ESAM: variants seen among roughly 807,000 people sequenced by gnomAD.
ESAM encodes the protein endothelial cell-selective adhesion molecule.
In ESAM, 23 loss-of-function variants were observed where a neutral mutation model predicts 31.8. That is an observed-to-expected ratio of 0.72 (90% CI 0.52 to 1.03). ESAM has a LOEUF of 1.03. Among genes scored for constraint, ESAM ranks in the 50% least tolerant of loss-of-function variants. The pLI is 0.00. For synonymous variants in ESAM, 216 were observed against 207.2 expected (o/e 1.04, Z -0.37); for missense variants, 478 against 488.9 (o/e 0.98, Z 0.21).
chr11:124,761,800 A>G, intron 1 of ESAM, among the ~76,000 whole-genome samples: 1 of 150,858 alleles, frequency 6.6e-6, no homozygotes, highest in Non-Finnish European at 1.5e-5. Flanking sequence ...TGGGGAGTGG[A>G]CAGGGTGAGG....
In ESAM at chr11:124,753,762, C is replaced by T. The variant is rs200187524; in HGVS notation, c.1057G>A (p.Ala353Thr). ...PSPRLPTTDG[A>T]HPQPISPIPG... ...ATGGGGGATATTGGTTGAGGGTGGGCCCCATCTGTCGTGGGCAGTCTTGGT... is the reference window on the plus strand; with the variant it reads ...ATGGGGGATATTGGTTGAGGGTGGGTCCCATCTGTCGTGGGCAGTCTTGGT... Residue 353 changes from alanine (A) to threonine (T), a missense_variant, in exon 7 of 7, where the codon GCC becomes ACC. By Grantham distance (58) the Ala-to-Thr change is moderately conservative (BLOSUM62 0). Coordinates refer to ENST00000278927, the MANE Select transcript of ESAM (RefSeq NM_138961.3). 751 of 1,613,862 alleles carry T rather than the reference C, an allele frequency of 4.7e-4. 4 individuals are homozygous for T. The highest frequency in any genetic ancestry group is 3.1e-5 in the Non-Finnish European group (37 of 1,179,942).
chr11:124,762,164 T>A lies in ESAM; in HGVS notation c.-10A>T, dbSNP rs1450236020. The A allele has an allele frequency of 6.2e-7, 1 of 1,602,612 alleles. No homozygotes were observed. The highest frequency in any genetic ancestry group is 8.5e-7 in the Non-Finnish European group (1 of 1,174,592). On this transcript the variant is annotated 5_prime_UTR_variant, in exon 1 of 7. Transcript: ENST00000278927. This position sits in a 1 kb window ranked among gnomAD's most constrained non-coding sequence, Gnocchi z 6.4. ...CCGGGAGGGAAATCATGGCCCTCCC[T>A]GGCCGGGACGGAGTCAGGGGCGCCA...
intron 2 of ESAM, 82 bp downstream of exon 2, chr11:124,758,267 C>T (rs1944179931): frequency 6.5e-7 from 1 of 1,545,386 alleles, no homozygotes; most frequent in Non-Finnish European, 8.9e-7. Context: ...TCCCTCTCCA[C>T]CCCTCCCACC....
chr11:124,757,599 G>A (rs568404851), intron 2 of ESAM: 14 of 152,316 alleles, frequency 9.2e-5, no homozygotes, highest in African/African-American at 3.4e-4. Flanking sequence ...GTATACAGGG[G>A]GGCAAGGTGA....
intron 2 of ESAM, chr11:124,756,957 A>G (rs1293750808): frequency 8.7e-6 from 5 of 575,344 alleles, no homozygotes; most frequent in Admixed American, 6.0e-5. Context: ...GTTCCTGCGC[A>G]TTGTCTCATC....
In ESAM at chr11:124,755,848, A is replaced by G. The variant is rs901608350; in HGVS notation, c.607+359T>C. The stretch of plus-strand genomic sequence containing the variant: ...TCAGTTATCCCTAAAATTTTTTTTT[A>G]TAACTGGTGTGTTCAAGTCACACTA... On this transcript the variant is annotated intron_variant, in intron 4 of 6. Transcript: ENST00000278927. Among the ~76,000 whole-genome samples the G allele has an allele frequency of 2.8e-4, 43 of 152,196 alleles. 1 individual carries two copies. Among genetic ancestry groups the G allele is most frequent in the African/African-American group, 9.9e-4 (41 of 41,558 alleles).
At chr11:124,755,988 G>A (rs533953514) in intron 4 of ESAM, among the ~76,000 whole-genome samples, 2 of 152,350 alleles carry the variant, frequency 1.3e-5, no homozygotes, top group South Asian at 2.1e-4. Flanking sequence ...CACTCCAGCT[G>A]TAGAGCCTGT....
chr11:124,755,323 C>T (rs947544027), intron 4 of ESAM, among the ~76,000 whole-genome samples: 1 of 151,958 alleles, frequency 6.6e-6, no homozygotes, highest in African/African-American at 2.4e-5. Context: ...TACAGCACAC[C>T]AGCATGGCAC....
Position 124,753,688 on chromosome 11 carries a change from A to T in ESAM, c.1131T>A (p.Pro377=). 1.2e-6 allele frequency: 2 copies of T among 1,614,000 alleles called. No individual in the cohort carries two copies. The highest frequency in any genetic ancestry group is 1.7e-6 in the Non-Finnish European group (2 of 1,180,040). Residue 377 remains proline, a synonymous_variant, in exon 7 of 7, where the codon CCT becomes CCA. Coordinates refer to ENST00000278927, the MANE Select transcript of ESAM (RefSeq NM_138961.3). ...SSGLSRMGAV[P]VMVPAQSQAG... ...CTTGACTCTGGGCAGGCACCATCAC[A>T]GGCACAGCACCCATGCGGCTCAAGC...
Position 124,756,755 on chromosome 11 carries a change from A to G in ESAM, c.250-13T>C. On this transcript the variant is annotated splice_polypyrimidine_tract_variant and intron_variant, in intron 2 of 6. Coordinates refer to ENST00000278927, the MANE Select transcript of ESAM (RefSeq NM_138961.3). ...TGTAGGACAACACCTGGTGTGGGGC[A>G]TAACACATCCCCGTCATTACTACAT... 6.2e-7 allele frequency: 1 copy of G among 1,613,836 alleles called. No homozygotes were observed. Among genetic ancestry groups the G allele is most frequent in the Non-Finnish European group, 8.5e-7 (1 of 1,179,888 alleles).
Position 124,762,086 on chromosome 11 carries a change from G to A in ESAM, c.69C>T (p.Leu23=). Residue 23 remains leucine (L), a splice_region_variant and synonymous_variant, in exon 1 of 7, where the codon CTC becomes CTT. Transcript: ENST00000278927. The surrounding 1 kb of genome is among the most constrained non-coding windows in gnomAD (Gnocchi z 6.4). The part of the protein sequence containing the change: ...LRFLFLGLSA[L]APPSRAQLQL... ...CCTCCAGGTCCGGGTTTCACTCACC[G>A]AGGGCACTCAGCCCCAGGAACAAAA... 6.2e-7 allele frequency: 1 copy of A among 1,611,128 alleles called. No individual in the cohort carries two copies. Among genetic ancestry groups the A allele is most frequent in the Non-Finnish European group, 8.5e-7 (1 of 1,178,586 alleles).
At chr11:124,760,522 G>T (rs1944215893) in intron 1 of ESAM, among the ~76,000 whole-genome samples, 1 of 152,252 alleles carries the variant, frequency 6.6e-6, no homozygotes, top group Non-Finnish European at 1.5e-5. Context: ...AGCCGCCGAG[G>T]AGCCTACTGA....
At position 124,758,440 on chromosome 11, in the gene ESAM, C is replaced by T; in HGVS notation, c.158G>A (p.Trp53Ter). The change falls in exon 2 of 7, where the codon TGG becomes TAG. Residue 53 changes from tryptophan (W) to a stop codon, truncating the protein, a stop_gained. Transcript: ENST00000278927. LOFTEE classifies it high-confidence loss of function. ...VEGGEVVLPA[W>*]YTLHGEVSSS... is the part of the protein sequence containing the mutation. ...AGACACCTCCCCGTGCAAGGTGTAC[C>T]ACGCTGGAAGCACCACTTCCCCTCC... The T allele has an allele frequency of 6.2e-7, 1 of 1,614,016 alleles. No individual in the cohort carries two copies. The highest frequency in any genetic ancestry group is 8.5e-7 in the Non-Finnish European group (1 of 1,179,954).
chr11:124,760,710 G>T (rs1383383994), intron 1 of ESAM, among the ~76,000 whole-genome samples: 1 of 148,016 alleles, frequency 6.8e-6, no homozygotes, highest in Non-Finnish European at 1.5e-5. Flanking sequence ...CTCAAAGCTG[G>T]GGTAGGACAA....
chr11:124,757,006 G>A (rs992117339), intron 2 of ESAM: 5 of 499,420 alleles, frequency 1.0e-5, no homozygotes, highest in African/African-American at 9.6e-5. Flanking sequence ...ATAATAGTGG[G>A]AGGAGGGACA....
chr11:124,761,663 CG>C (rs1419154460), intron 1 of ESAM, among the ~76,000 whole-genome samples: 2 of 151,830 alleles, frequency 1.3e-5, no homozygotes, highest in East Asian at 3.9e-4. Flanking sequence ...GGTATTTCCC[CG>C]GGGGATCTTC....
chr11:124,756,697 A>T lies in ESAM; in HGVS notation c.295T>A (p.Ser99Thr). Residue 99 changes from serine (S) to threonine (T), a missense_variant, in exon 3 of 7, where the codon TCC becomes ACC. Coordinates refer to ENST00000278927, the MANE Select transcript of ESAM (RefSeq NM_138961.3). ...NGVTTSKPGV[S>T]LVYSMPSRNL... ...CGGGAGGGCATGGAGTAGACCAAGG[A>T]TACTCCAGGTTTGCTTGTTGTGACC... The T allele has an allele frequency of 5.0e-6, 8 of 1,614,122 alleles. No homozygotes were observed. The highest frequency in any genetic ancestry group is 6.8e-6 in the Non-Finnish European group (8 of 1,180,032).
In ESAM at chr11:124,756,371, G is replaced by C; in HGVS notation, c.452-9C>G. ...TGGAGGAGCTGGAGGAACTGGGCAG[G>C]GGGAGACAGATTAAAACCACACCCA... On this transcript the variant is annotated splice_polypyrimidine_tract_variant and intron_variant, in intron 3 of 6. Transcript: ENST00000278927. 2 of 1,594,134 alleles carry C rather than the reference G, an allele frequency of 1.3e-6. No homozygotes were observed. Among genetic ancestry groups the C allele is most frequent in the Non-Finnish European group, 1.7e-6 (2 of 1,169,670 alleles).
At position 124,758,499 on chromosome 11, in the gene ESAM, C is replaced by T; in HGVS notation, c.99G>A (p.Leu33=). Reference sequence around the variant, plus strand: ...CCTGCAACCGGTTGGCGGGCAAGTGCAGTTGCAGCTGGGCCCGCGAGGGGG... The same window carrying T: ...CCTGCAACCGGTTGGCGGGCAAGTGTAGTTGCAGCTGGGCCCGCGAGGGGG... The part of the protein sequence containing the change: ...LAPPSRAQLQ[L]HLPANRLQAV... The change falls in exon 2 of 7, where the codon CTG becomes CTA. Residue 33 remains leucine (L), a synonymous_variant. Coordinates refer to ENST00000278927, the MANE Select transcript of ESAM (RefSeq NM_138961.3). 1 of 1,597,602 alleles carries T rather than the reference C, an allele frequency of 6.3e-7. No individual in the cohort carries two copies. The highest frequency in any genetic ancestry group is 8.5e-7 in the Non-Finnish European group (1 of 1,171,744).
Sources: allele counts gnomAD v4.1 joint callset (sites outside exome capture counted in the v4.1 genomes callset), GRCh38; gene constraint gnomAD v4.1.1; non-coding constraint Gnocchi (gnomAD v3.1); transcripts MANE v1.5; gene names NCBI Gene and HGNC (gene_info 2026-07-23, HGNC 2026-07-21).